METTL24: variants seen among roughly 807,000 people sequenced by gnomAD.
METTL24 encodes the protein probable methyltransferase-like protein 24.
Under a neutral mutation model 32.7 loss-of-function variants are expected in METTL24, and 29 were observed. The observed-to-expected ratio is 0.89, with a 90% CI of 0.66 to 1.21. The LOEUF is 1.21. Ranked by LOEUF, METTL24 falls within the 50% of genes most tolerant of loss-of-function variation. The pLI, the probability that METTL24 is intolerant of heterozygous loss-of-function variation, is 0.00. For synonymous variants in METTL24, 163 were observed against 179.5 expected, an observed-to-expected ratio of 0.91 and a Z score of 0.73; for missense variants, 439 against 468.1, an observed-to-expected ratio of 0.94 and a Z score of 0.57.
intron 1 of METTL24, among the ~76,000 whole-genome samples, chr6:110,341,492 T>C (rs1347245633): frequency 6.6e-6 from 1 of 152,212 alleles, no homozygotes; most frequent in African/African-American, 2.4e-5. Flanking sequence ...ACATGCCCTA[T>C]CCTAATTATA....
intron 4 of METTL24, among the ~76,000 whole-genome samples, chr6:110,287,978 G>GA (rs1186926693): frequency 6.6e-6 from 1 of 152,142 alleles, no homozygotes; most frequent in Non-Finnish European, 1.5e-5. Context: ...TCCCTCCTGA[G>GA]AAAAAATGTG....
chr6:110,355,903 C>T (rs553731756), intron 1 of METTL24, among the ~76,000 whole-genome samples: 1 of 152,278 alleles, frequency 6.6e-6, no homozygotes, highest in Non-Finnish European at 1.5e-5. Flanking sequence ...TGAGTGTGAA[C>T]CTCCCCTCCA....
intron 1 of METTL24, among the ~76,000 whole-genome samples, chr6:110,331,930 G>A (rs1199237443): frequency 1.3e-5 from 2 of 152,122 alleles, no homozygotes; most frequent in East Asian, 3.8e-4. Context: ...CGTCCCATAG[G>A]AGCCTCTTCC....
intron 1 of METTL24, among the ~76,000 whole-genome samples, chr6:110,345,049 T>C (rs1207169973): frequency 2.0e-5 from 3 of 152,144 alleles, no homozygotes; most frequent in African/African-American, 7.2e-5. Flanking sequence ...ATAGGTCTAA[T>C]ATCCAGCATC....
chr6:110,313,850 G>A (rs1217436845), intron 3 of METTL24, among the ~76,000 whole-genome samples: 3 of 152,134 alleles, frequency 2.0e-5, no homozygotes, highest in Non-Finnish European at 4.4e-5. Flanking sequence ...CTCCTCTCAA[G>A]TGATCTTCTA....
At chr6:110,267,390 C>A (rs547543994) in intron 4 of METTL24, among the ~76,000 whole-genome samples, 120 of 152,284 alleles carry the variant, frequency 7.9e-4, no homozygotes, top group Non-Finnish European at 1.5e-3. Flanking sequence ...AGACCAGTAC[C>A]TATTACTTAT....
chr6:110,273,985 G>A (rs1221295555), intron 4 of METTL24, among the ~76,000 whole-genome samples: 8 of 152,266 alleles, frequency 5.3e-5, no homozygotes, highest in East Asian at 1.9e-4. Context: ...AATGCCCATC[G>A]ACCAACGAGT....
chr6:110,259,181 G>A (rs1041924621), intron 4 of METTL24, among the ~76,000 whole-genome samples: 6 of 152,130 alleles, frequency 3.9e-5, no homozygotes, highest in East Asian at 3.9e-4. Context: ...CGCCTCACCC[G>A]GGAAGCACAA....
intron 2 of METTL24, among the ~76,000 whole-genome samples, chr6:110,322,538 A>AT (rs1771946351): frequency 6.6e-6 from 1 of 152,224 alleles, no homozygotes; most frequent in Admixed American, 6.5e-5. Context: ...GGGATGAATC[A>AT]TTTAAACATT....
chr6:110,313,099 G>A (rs1333143589), intron 3 of METTL24, among the ~76,000 whole-genome samples: 1 of 152,260 alleles, frequency 6.6e-6, no homozygotes, highest in Non-Finnish European at 1.5e-5. Context: ...TTGGCCTTAT[G>A]TTCCCTGCCT....
At chr6:110,307,438 T>C (rs1351194375) in intron 3 of METTL24, among the ~76,000 whole-genome samples, 2 of 152,250 alleles carry the variant, frequency 1.3e-5, no homozygotes, top group Non-Finnish European at 2.9e-5. Context: ...ATTTAATGTT[T>C]ATTTAATGAG....
At chr6:110,338,860 C>T (rs1205266089) in intron 1 of METTL24, among the ~76,000 whole-genome samples, 2 of 152,102 alleles carry the variant, frequency 1.3e-5, no homozygotes, top group Non-Finnish European at 2.9e-5. Flanking sequence ...TTGTATGTAA[C>T]CTTGCAACTA....
At chr6:110,258,028 A>G (rs1778418080) in intron 4 of METTL24, among the ~76,000 whole-genome samples, 1 of 152,188 alleles carries the variant, frequency 6.6e-6, no homozygotes, top group African/African-American at 2.4e-5. Context: ...AGTGATTCAG[A>G]GTAAAACAAT....
chr6:110,351,423 T>C (rs556273271), intron 1 of METTL24, among the ~76,000 whole-genome samples: 1 of 152,214 alleles, frequency 6.6e-6, no homozygotes, highest in Non-Finnish European at 1.5e-5. Context: ...TAAAGAAAGA[T>C]AGAGCTAGCT....
chr6:110,344,979 C>T (rs759654041), intron 1 of METTL24, among the ~76,000 whole-genome samples: 8 of 152,180 alleles, frequency 5.3e-5, no homozygotes, highest in Admixed American at 5.2e-4. Flanking sequence ...AAACTATCAA[C>T]AGAGTTAGCA....
intron 4 of METTL24, among the ~76,000 whole-genome samples, chr6:110,269,475 T>A (rs1770915372): frequency 6.6e-6 from 1 of 152,220 alleles, no homozygotes; most frequent in African/African-American, 2.4e-5. Context: ...CTCTTAGGCA[T>A]AATTCAGTAG....
At chr6:110,318,651 C>CAAAAAAAAAAAAAAAAAAGAAA (rs1771872510) in intron 2 of METTL24, among the ~76,000 whole-genome samples, 1 of 90,578 alleles carries the variant, frequency 1.1e-5, no homozygotes, top group South Asian at 3.9e-4. Context: ...GACTCTACCT[C>CAAAAAAAAAAAAAAAAAAGAAA]AAAAAAAAAA....
At position 110,315,437 on chromosome 6, in the gene METTL24, A is replaced by G. The variant is rs756564737; in HGVS notation, c.462T>C (p.Ser154=). The change falls in exon 3 of 5, where the codon TCT becomes TCC. Residue 154 remains serine (S), a synonymous_variant. Transcript: ENST00000338882. The part of the protein sequence containing the change: ...HMNTDSLATD[S]SPTHKPWSVC... ...CTGACCAGGGCTTGTGTGTAGGACT[A>G]GAGTCAGTAGCCAGGCTGTCTGTAT... 2.5e-6 allele frequency: 4 copies of G among 1,614,034 alleles called. No individual in the cohort carries two copies. The highest frequency in any genetic ancestry group is 3.4e-6 in the Non-Finnish European group (4 of 1,180,004).
chr6:110,348,942 A>G (rs1434073479), intron 1 of METTL24, among the ~76,000 whole-genome samples: 2 of 152,254 alleles, frequency 1.3e-5, no homozygotes, highest in East Asian at 3.8e-4. Context: ...CACTGTTTGT[A>G]AGATGTAAAT....
Sources: gnomAD v4.1 joint callset for allele counts (sites outside exome capture counted in the v4.1 genomes callset) on GRCh38, gnomAD v4.1.1 for gene constraint, MANE v1.5 for transcripts, NCBI Gene and HGNC (gene_info 2026-07-23, HGNC 2026-07-21) for gene names.